The following NT5DC1 variants were observed in gnomAD, a reference collection of about 807,000 sequenced individuals.
The protein encoded by NT5DC1 is 5'-nucleotidase domain-containing protein 1.
A neutral mutation model predicts 59.4 loss-of-function variants in NT5DC1; 42 were observed. That is an observed-to-expected ratio of 0.71 (90% confidence interval 0.55 to 0.92). The LOEUF (loss-of-function observed/expected upper bound fraction) is 0.92. Among genes scored for constraint, NT5DC1 ranks in the 40% least tolerant of loss-of-function variants. The pLI is 0.00. For synonymous variants in NT5DC1, 172 were observed against 188.1 expected (o/e 0.91, Z 0.70); for missense variants, 501 against 537.1 (o/e 0.93, Z 0.66).
chr6:116,196,195 T>C (rs1181482313), intron 6 of NT5DC1, among the ~76,000 whole-genome samples: 2 of 152,066 alleles, frequency 1.3e-5, no homozygotes, highest in African/African-American at 2.4e-5. Context: ...ACTTCCTTGA[T>C]GACTTAAACC....
chr6:116,155,866 CTT>C (rs979178594), intron 6 of NT5DC1, among the ~76,000 whole-genome samples: 5 of 150,576 alleles, frequency 3.3e-5, no homozygotes, highest in Non-Finnish European at 4.4e-5. Context: ...TTTATGCTAT[CTT>C]TTATATAAAT....
intron 6 of NT5DC1, among the ~76,000 whole-genome samples, chr6:116,213,980 C>T (rs1781638578): frequency 6.6e-6 from 1 of 152,064 alleles, no homozygotes; most frequent in Non-Finnish European, 1.5e-5. Context: ...TCCCGCCTCA[C>T]CTTCCCAAGT....
chr6:116,167,206 A>ATTT lies in NT5DC1; in HGVS notation c.529+49284_529+49286dup, dbSNP rs61348980. Among the ~76,000 whole-genome samples the ATTT allele has an allele frequency of 5.3e-3, 469 of 87,816 alleles. 1 individual carries two copies. Among genetic ancestry groups the ATTT allele is most frequent in the Middle Eastern group, 0.028 (3 of 106 alleles). The allele number at this position is 87,816 out of a possible 152,430, so 57.6% of individuals were successfully genotyped here. On this transcript the variant is annotated intron_variant, in intron 6 of 11. Transcript: ENST00000319550. ...TTTGTAAAATTAGTTCAAATAGAAG[A>ATTT]TTTTTTTTTTTTTTTTTTTTTTTTT...
At chr6:116,235,419 T>G (rs1031288078) in intron 8 of NT5DC1, among the ~76,000 whole-genome samples, 8 of 152,202 alleles carry the variant, frequency 5.3e-5, no homozygotes, top group Non-Finnish European at 7.3e-5. Flanking sequence ...TTCATTTGAT[T>G]TTGCAGAAGA....
intron 6 of NT5DC1, among the ~76,000 whole-genome samples, chr6:116,167,917 GTC>G (rs1387454837): frequency 6.6e-6 from 1 of 151,984 alleles, no homozygotes; most frequent in Non-Finnish European, 1.5e-5. Flanking sequence ...TTTAATGGAG[GTC>G]TAGGTTAATG....
intron 6 of NT5DC1, among the ~76,000 whole-genome samples, chr6:116,153,453 A>C (rs891199323): frequency 6.6e-6 from 1 of 152,030 alleles, no homozygotes; most frequent in East Asian, 1.9e-4. Flanking sequence ...TCTCTATTCC[A>C]CTGGAGTTCA....
chr6:116,202,426 T>C (rs917731583), intron 6 of NT5DC1, among the ~76,000 whole-genome samples: 1 of 152,038 alleles, frequency 6.6e-6, no homozygotes, highest in Non-Finnish European at 1.5e-5. Context: ...CATACTCTTT[T>C]TTAGGGGAAA....
At chr6:116,110,828 G>A in intron 3 of NT5DC1, 22 bp from the exon 4 acceptor site, 3 of 1,540,674 alleles carry the variant, frequency 1.9e-6, no homozygotes, top group South Asian at 2.2e-5. Context: ...AATGAGCAAT[G>A]TGCCTCCTCT....
chr6:116,115,920 G>T lies in NT5DC1; in HGVS notation c.444+150G>T, dbSNP rs545687441. ...GGGAAAGAAAAACATGGTGAATTTG[G>T]TTCAAATATTTTTGGAAAATTAAAT... On this transcript the variant is annotated intron_variant, in intron 5 of 11. Coordinates refer to ENST00000319550, the MANE Select transcript of NT5DC1 (RefSeq NM_152729.3). 1.2e-5 allele frequency: 5 copies of T among 404,356 alleles called. No individual in the cohort carries two copies. In the South Asian group the frequency reaches 3.0e-4, roughly 24 times the overall value. 25.0% of individuals were successfully genotyped at this position (404,356 alleles called of 1,614,324 possible).
At chr6:116,182,222 AGTGT>A (rs35883565) in intron 6 of NT5DC1, among the ~76,000 whole-genome samples, 164 of 124,656 alleles carry the variant, frequency 1.3e-3, no homozygotes, top group East Asian at 2.7e-3. Context: ...TTCCATGGAG[AGTGT>A]GTGTGTGTGT....
intron 8 of NT5DC1, among the ~76,000 whole-genome samples, chr6:116,235,256 T>A (rs1053659414): frequency 6.6e-6 from 1 of 152,220 alleles, no homozygotes; most frequent in African/African-American, 2.4e-5. Flanking sequence ...ATTTGCGTAG[T>A]AAGACATTTC....
chr6:116,200,298 A>G (rs952847539), intron 6 of NT5DC1, among the ~76,000 whole-genome samples: 1 of 152,068 alleles, frequency 6.6e-6, no homozygotes, highest in Non-Finnish European at 1.5e-5. Context: ...TAACCTAAGG[A>G]GACATAACCA....
chr6:116,117,836 G>A, intron 5 of NT5DC1, 25 bp from the exon 6 acceptor site: 1 of 1,326,994 alleles, frequency 7.5e-7, no homozygotes, highest in East Asian at 2.3e-5. Flanking sequence ...TATTGTGTTT[G>A]TTTCATTTGG....
intron 6 of NT5DC1, among the ~76,000 whole-genome samples, chr6:116,165,918 A>G (rs930173551): frequency 3.9e-5 from 6 of 152,160 alleles, no homozygotes; most frequent in Non-Finnish European, 1.5e-5. Context: ...TGAATGCACA[A>G]CCAGTATGGT....
At chr6:116,206,211 T>A (rs1172695655) in intron 6 of NT5DC1, among the ~76,000 whole-genome samples, 1 of 151,990 alleles carries the variant, frequency 6.6e-6, no homozygotes, top group Non-Finnish European at 1.5e-5. Flanking sequence ...CCCATAGCAT[T>A]TCGTGGTTAA....
In NT5DC1 at chr6:116,100,998, G is replaced by A; in HGVS notation, c.68G>A (p.Arg23His). 1 of 1,601,104 alleles carries A rather than the reference G, an allele frequency of 6.2e-7. No individual in the cohort carries two copies. Among genetic ancestry groups the A allele is most frequent in the Admixed American group, 1.7e-5 (1 of 59,212 alleles). The change falls in exon 1 of 12, where the codon CGC becomes CAC. Residue 23 changes from arginine to histidine, a missense_variant. Arg to His is a conservative substitution (Grantham distance 29). Transcript: ENST00000319550. ...TTCGACCTGGACCACACTCTGTGTC[G>A]CTACAACCTGCCCGAGAGCGCCCCG... ...VGFDLDHTLC[R>H]YNLPESAPLI...
intron 6 of NT5DC1, among the ~76,000 whole-genome samples, chr6:116,191,959 G>C (rs17502541): frequency 0.039 from 5,882 of 152,102 alleles, 154 homozygotes; most frequent in South Asian, 0.072. Context: ...TTTTTGGACA[G>C]AACAAAGATG....
In NT5DC1 at chr6:116,238,330, G is replaced by A; in HGVS notation, c.1065G>A (p.Glu355=). 6.3e-7 allele frequency: 1 copy of A among 1,597,228 alleles called. No homozygotes were observed. The highest frequency in any genetic ancestry group is 8.5e-7 in the Non-Finnish European group (1 of 1,174,326). ...GGCCTGAGGAGTCAGAGCCTCTAGA[G>A]AAGAAAGGAAAATATGAGGTAAGGG... The part of the protein sequence containing the change: ...SQRPEESEPL[E]KKGKYEGPKA... The change falls in exon 10 of 12, where the codon GAG becomes GAA. Residue 355 remains glutamate, a synonymous_variant. Coordinates refer to ENST00000319550, the MANE Select transcript of NT5DC1 (RefSeq NM_152729.3).
At chr6:116,165,537 A>G (rs1396728620) in intron 6 of NT5DC1, among the ~76,000 whole-genome samples, 2 of 152,202 alleles carry the variant, frequency 1.3e-5, no homozygotes, top group African/African-American at 2.4e-5. Flanking sequence ...ATTTTTTAAA[A>G]TTCTCTTTTC....
Sources: gnomAD v4.1 joint callset for allele counts (sites outside exome capture counted in the v4.1 genomes callset) on GRCh38, gnomAD v4.1.1 for gene constraint, MANE v1.5 for transcripts, NCBI Gene and HGNC (gene_info 2026-07-23, HGNC 2026-07-21) for gene names.